The following ATRNL1 variants were observed in gnomAD, a reference collection of about 807,000 sequenced individuals.
The protein encoded by ATRNL1 is attractin-like protein 1.
A neutral mutation model predicts 182.7 loss-of-function variants in ATRNL1; 95 were observed. The ratio of observed to expected loss-of-function variants is 0.52; its 90% CI spans 0.44 to 0.62. ATRNL1 has a LOEUF of 0.62. ATRNL1 is among the 20% of genes least tolerant of loss of function. The pLI, the probability that ATRNL1 is intolerant of heterozygous loss-of-function variation, is 0.00. For synonymous variants in ATRNL1, 576 were observed against 568.3 expected, an observed-to-expected ratio of 1.01 and a Z score of -0.19; for missense variants, 1,471 against 1,679.5, an observed-to-expected ratio of 0.88 and a Z score of 2.17.
intron 13 of ATRNL1, among the ~76,000 whole-genome samples, chr10:115,268,796 T>G (rs1012261763): frequency 4.6e-5 from 7 of 152,250 alleles, no homozygotes; most frequent in African/African-American, 1.7e-4. Flanking sequence ...TACCATTGGA[T>G]TCCTGTCAGA....
At chr10:115,642,307 A>G (rs1369538093) in intron 26 of ATRNL1, among the ~76,000 whole-genome samples, 1 of 152,234 alleles carries the variant, frequency 6.6e-6, no homozygotes, top group African/African-American at 2.4e-5. Context: ...AAACTACACA[A>G]CACTGATGAA....
At chr10:115,159,407 T>G (rs906463357) in intron 5 of ATRNL1, among the ~76,000 whole-genome samples, 2 of 151,598 alleles carry the variant, frequency 1.3e-5, no homozygotes, top group Non-Finnish European at 3.0e-5. Context: ...TTTTCAACTT[T>G]ATAGTATTTG....
At chr10:115,402,849 C>T (rs1844630628) in intron 20 of ATRNL1, among the ~76,000 whole-genome samples, 1 of 152,110 alleles carries the variant, frequency 6.6e-6, no homozygotes, top group South Asian at 2.1e-4. Context: ...CCCTGGTTCT[C>T]AGAATTAGGG....
intron 26 of ATRNL1, among the ~76,000 whole-genome samples, chr10:115,623,418 T>C (rs1406933780): frequency 2.0e-5 from 3 of 152,116 alleles, no homozygotes; most frequent in Admixed American, 6.5e-5. Context: ...AGGTAGAAAT[T>C]AGAAAATACT....
chr10:115,240,641 G>A (rs1364678607), intron 9 of ATRNL1, among the ~76,000 whole-genome samples: 5 of 151,952 alleles, frequency 3.3e-5, no homozygotes, highest in South Asian at 2.1e-4. Context: ...TATACTTTAC[G>A]TATTAGCTAT....
At chr10:115,155,694 T>A (rs1554881882) in intron 5 of ATRNL1, among the ~76,000 whole-genome samples, 2 of 152,188 alleles carry the variant, frequency 1.3e-5, no homozygotes, top group African/African-American at 4.8e-5. Context: ...TGTTAAGTAC[T>A]TTTCATTGTA....
At chr10:115,623,340 A>G (rs1379475345) in intron 26 of ATRNL1, among the ~76,000 whole-genome samples, 2 of 152,196 alleles carry the variant, frequency 1.3e-5, no homozygotes, top group African/African-American at 2.4e-5. Context: ...AAAAAATTGA[A>G]CCTGAAATGC....
intron 19 of ATRNL1, among the ~76,000 whole-genome samples, chr10:115,391,106 C>G (rs1843994779): frequency 6.6e-6 from 1 of 152,106 alleles, no homozygotes; most frequent in South Asian, 2.1e-4. Flanking sequence ...AACAATTTAA[C>G]TTTTTAATTA....
chr10:115,561,681 G>GTT (rs1853727133), intron 26 of ATRNL1, among the ~76,000 whole-genome samples: 2 of 89,700 alleles, frequency 2.2e-5, no homozygotes, highest in South Asian at 5.0e-4. Context: ...GTGTGTGTGT[G>GTT]TGTGTGTGGG....
intron 15 of ATRNL1, among the ~76,000 whole-genome samples, chr10:115,290,911 T>C (rs1195986440): frequency 1.3e-5 from 2 of 152,214 alleles, no homozygotes; most frequent in Non-Finnish European, 1.5e-5. Context: ...AGATGGGTTC[T>C]CTACTTGGCT....
At chr10:115,804,189 T>A (rs1949865273) in intron 27 of ATRNL1, among the ~76,000 whole-genome samples, 1 of 152,222 alleles carries the variant, frequency 6.6e-6, no homozygotes, top group Non-Finnish European at 1.5e-5. Context: ...TACTACTCCC[T>A]AATTGGGGCT....
chr10:115,152,598 C>T (rs1846291223), intron 5 of ATRNL1, among the ~76,000 whole-genome samples: 1 of 152,184 alleles, frequency 6.6e-6, no homozygotes, highest in African/African-American at 2.4e-5. Flanking sequence ...TGCTTATCAG[C>T]TTAAGGAGAT....
intron 20 of ATRNL1, among the ~76,000 whole-genome samples, chr10:115,416,558 G>A (rs1183135859): frequency 6.6e-6 from 1 of 152,082 alleles, no homozygotes; most frequent in Non-Finnish European, 1.5e-5. Flanking sequence ...ACAAGGTGGT[G>A]TTGGTTTGTT....
At chr10:115,389,563 T>TGTATATATATATATATAC (rs1564989994) in intron 19 of ATRNL1, among the ~76,000 whole-genome samples, 1 of 108,842 alleles carries the variant, frequency 9.2e-6, no homozygotes, top group African/African-American at 3.5e-5. Context: ...TATATATATA[T>TGTATATATATATATATAC]ATATATATAT....
intron 6 of ATRNL1, among the ~76,000 whole-genome samples, chr10:115,160,884 G>A (rs549980248): frequency 6.6e-6 from 1 of 151,796 alleles, no homozygotes; most frequent in Admixed American, 6.6e-5. Context: ...GTACAGCTTG[G>A]GCATCAAACA....
chr10:115,110,766 T>G (rs1338380736), intron 1 of ATRNL1, among the ~76,000 whole-genome samples: 3 of 152,224 alleles, frequency 2.0e-5, no homozygotes, highest in African/African-American at 7.2e-5. Flanking sequence ...ATTAAATTAA[T>G]TCTTTAAACA....
At chr10:115,327,699 A>G (rs376901916) in intron 18 of ATRNL1, among the ~76,000 whole-genome samples, 1 of 151,430 alleles carries the variant, frequency 6.6e-6, no homozygotes, top group African/African-American at 2.4e-5. Flanking sequence ...ATGTCCAACA[A>G]TGATAGACTG....
chr10:115,883,097 C>T lies in ATRNL1; in HGVS notation c.4018+35106C>T, dbSNP rs1011538639. On this transcript the variant is annotated intron_variant, in intron 28 of 28. Transcript: ENST00000355044. ...AAACTCCTGTTCTCTAAGGCACCAGCGCTGGGCAGGGCTTTGCGCAGATGG... is the reference window on the plus strand; with the variant it reads ...AAACTCCTGTTCTCTAAGGCACCAGTGCTGGGCAGGGCTTTGCGCAGATGG... 3.7e-4 allele frequency among the ~76,000 whole-genome samples: 56 copies of T among 152,324 alleles called. 1 individual carries two copies. Among genetic ancestry groups the T allele is most frequent in the African/African-American group, 1.3e-3 (53 of 41,570 alleles).
At chr10:115,454,598 G>C (rs1312142479) in intron 21 of ATRNL1, among the ~76,000 whole-genome samples, 1 of 151,902 alleles carries the variant, frequency 6.6e-6, no homozygotes, top group African/African-American at 2.4e-5. Flanking sequence ...AGTTTTTAAT[G>C]TTCAAGTCTT....
Sources: gnomAD v4.1 joint callset for allele counts (sites outside exome capture counted in the v4.1 genomes callset) on GRCh38, gnomAD v4.1.1 for gene constraint, MANE v1.5 for transcripts, NCBI Gene and HGNC (gene_info 2026-07-23, HGNC 2026-07-21) for gene names.